Variants in CACNA1F observed in about 807,000 individuals in gnomAD.
CACNA1F encodes the protein voltage-dependent L-type calcium channel subunit alpha-1F.
Under a neutral mutation model 143.8 loss-of-function variants are expected in CACNA1F, and 59 were observed. That is an observed-to-expected ratio of 0.41 (90% CI 0.33 to 0.51). The LOEUF is 0.51. CACNA1F is among the 20% of genes least tolerant of loss of function. The pLI, the probability that CACNA1F is intolerant of heterozygous loss-of-function variation, is 0.22. For missense variants in CACNA1F, 1,411 were observed against 1,647.5 expected (o/e 0.86, Z 2.48); for synonymous variants, 643 against 649.1 (o/e 0.99, Z 0.14).
rs373885224 is a variant in CACNA1F, at chrX:49,209,619, C to T, written c.4821+10G>A. The T allele has an allele frequency of 3.0e-5, 36 of 1,209,632 alleles. No individual in the cohort carries two copies. The highest frequency in any genetic ancestry group is 3.4e-6 in the Non-Finnish European group (3 of 894,751). On this transcript the variant is annotated intron_variant, in intron 41 of 47. Transcript: ENST00000323022. ...ACGTGCCCATCCACACTAGGCCCTGCCCCGAAGACCTGAAGGGCGGAAGAG... is the reference window on the plus strand; with the variant it reads ...ACGTGCCCATCCACACTAGGCCCTGTCCCGAAGACCTGAAGGGCGGAAGAG...
At chrX:49,210,841 T>A in intron 37 of CACNA1F, 124 bp downstream of exon 37, 1 of 893,351 alleles carries the variant, frequency 1.1e-6, no homozygotes, top group Non-Finnish European at 1.6e-6. Flanking sequence ...GATGGGGCAG[T>A]GGAAACTTTG....
chrX:49,226,553 A>T, intron 10 of CACNA1F, 51 bp from the exon 11 acceptor site: 2 of 1,160,573 alleles, frequency 1.7e-6, no homozygotes, highest in Non-Finnish European at 2.3e-6. Context: ...CCGAGGTCCA[A>T]TCTTTGGCTT....
Position 49,224,959 on chromosome X carries a change from A to G in CACNA1F, c.1679T>C (p.Leu560Pro). The G allele has an allele frequency of 8.3e-7, 1 of 1,200,455 alleles. No homozygotes were observed. The highest frequency in any genetic ancestry group is 1.1e-6 in the Non-Finnish European group (1 of 886,612). Residue 560 changes from leucine to proline, a missense_variant, in exon 14 of 48, where the codon CTG becomes CCG. Transcript: ENST00000323022. ...TTTGAGAAGCATCTCCACCGTGAAC[A>G]GACAGAGCAACACTTTGTTGGCATA... is the stretch of plus-strand genomic sequence containing the variant. ...QEYANKVLLC[L>P]FTVEMLLKLY...
chrX:49,208,918 C>T (rs782634979), intron 42 of CACNA1F: 27 of 433,560 alleles, frequency 6.2e-5, no homozygotes, highest in Non-Finnish European at 9.3e-5. Context: ...CTCATCCTCC[C>T]AGGTTCAAGC....
intron 12 of CACNA1F, 68 bp from the exon 13 acceptor site, chrX:49,226,137 G>T: frequency 8.9e-7 from 1 of 1,125,637 alleles, no homozygotes; most frequent in East Asian, 3.0e-5. Context: ...TCAGGTGGGG[G>T]ATCCAAAGGT....
rs140353265 is a variant in CACNA1F at position 49,212,258 on chromosome X, G to A, written c.3993C>T (p.Ala1331=). Residue 1331 remains alanine (A), a synonymous_variant, in exon 34 of 48, where the codon GCC becomes GCT. Transcript: ENST00000323022. ...LLIAMIFFIY[A]VIGMQMFGKV... ...CCCCACTTGCCTGCATGCCAATGAC[G>A]GCATAGATGAAGAATATCATTGCGA... 3.8e-5 allele frequency: 46 copies of A among 1,206,067 alleles called. No individual in the cohort carries two copies. The African/African-American group carries it at 5.8e-4, about 15-fold the overall frequency.
rs782159221 is a variant in CACNA1F at position 49,215,557 on chromosome X, AG to A, written c.3237-15del. The A allele has an allele frequency of 5.1e-5, 42 of 819,728 alleles. No homozygotes were observed. The highest frequency in any genetic ancestry group is 1.5e-4 in the African/African-American group (7 of 46,074). 67.6% of individuals were successfully genotyped at this position (819,728 alleles called of 1,213,427 possible). On this transcript the variant is annotated splice_polypyrimidine_tract_variant and intron_variant, in intron 27 of 47. Coordinates refer to ENST00000323022, the MANE Select transcript of CACNA1F (RefSeq NM_001256789.3). ...TTGTATAGCAGTCTGTGGGAGCCAG[AG>A]GGGGGGTAGAGGTGGGGGCAGGTGA... is the stretch of plus-strand genomic sequence containing the variant.
At position 49,218,692 on chromosome X, in the gene CACNA1F, C is replaced by A; in HGVS notation, c.2777G>T (p.Arg926Leu). The A allele has an allele frequency of 8.4e-7, 1 of 1,188,705 alleles. No homozygotes were observed. Among genetic ancestry groups the A allele is most frequent in the Admixed American group, 2.3e-5 (1 of 42,849 alleles). Residue 926 changes from arginine to leucine, a missense_variant, in exon 23 of 48, where the codon CGT becomes CTT. Physicochemically the swap from Arg to Leu is moderately radical, Grantham distance 102. Transcript: ENST00000323022. ...GAFLHRGSFC[R>L]SWFNMLDLLV... ...CAGATCCAACATATTAAACCAGCTACGGCAGAAGGAGCCGCGGTGCAGGAA... is the reference window on the plus strand; with the variant it reads ...CAGATCCAACATATTAAACCAGCTAAGGCAGAAGGAGCCGCGGTGCAGGAA...
Position 49,219,735 on chromosome X carries a change from C to CTCTTCCTCTTCTTCCTCT in CACNA1F, c.2424_2441dup (p.Glu809_Glu814dup), listed in dbSNP as rs59355923. Reference sequence around the variant, plus strand: ...GCAGGAGTTCCACACCCCCTGCACCCTCTTCCTCTTCTTCCTCTTCTTCCT... The same window carrying CTCTTCCTCTTCTTCCTCT: ...GCAGGAGTTCCACACCCCCTGCACCCTCTTCCTCTTCTTCCTCTTCTTCCTCTTCTTCCTCTTCTTCCT... On this transcript the variant is annotated inframe_insertion, in exon 20 of 48. Coordinates refer to ENST00000323022, the MANE Select transcript of CACNA1F (RefSeq NM_001256789.3). 59 of 1,177,704 alleles carry CTCTTCCTCTTCTTCCTCT rather than the reference C, an allele frequency of 5.0e-5. No individual in the cohort carries two copies. In the South Asian group the frequency reaches 1.0e-3, roughly 21 times the overall value.
At chrX:49,225,072 A>C in intron 13 of CACNA1F, 86 bp from the exon 14 acceptor site, 3 of 614,248 alleles carry the variant, frequency 4.9e-6, no homozygotes, top group South Asian at 4.8e-5. Flanking sequence ...GGGGTGACCC[A>C]CGGTAGCTGG....
At chrX:49,215,321 G>T (rs2065700644) in intron 28 of CACNA1F, 21 bp downstream of exon 28, 1 of 1,200,233 alleles carries the variant, frequency 8.3e-7, no homozygotes, top group South Asian at 1.8e-5. Flanking sequence ...CATCCATAGG[G>T]GGTCAGGGGT....
At position 49,233,282 on chromosome X, in the gene CACNA1F, C is replaced by T; in HGVS notation, c.25+3G>A. The T allele has an allele frequency of 2.5e-6, 3 of 1,210,382 alleles. No individual in the cohort carries two copies. Among genetic ancestry groups the T allele is most frequent in the Middle Eastern group, 2.3e-4 (1 of 4,352 alleles). ...GTCTGCAGGGATGGAAGGATTCTCTCACCTTTCCCGCCTTCAGATTCCGAC... is the reference window on the plus strand; with the variant it reads ...GTCTGCAGGGATGGAAGGATTCTCTTACCTTTCCCGCCTTCAGATTCCGAC... On this transcript the variant is annotated splice_donor_region_variant and intron_variant, in intron 1 of 47. Coordinates refer to ENST00000323022, the MANE Select transcript of CACNA1F (RefSeq NM_001256789.3).
chrX:49,209,659 G>A lies in CACNA1F; in HGVS notation c.4791C>T (p.Asp1597=), dbSNP rs781955957. The A allele has an allele frequency of 5.8e-6, 7 of 1,210,982 alleles. No homozygotes were observed. The highest frequency in any genetic ancestry group is 3.5e-5 in the South Asian group (2 of 56,763). ...RRKEKGLLGN[D]AAPSTSSALQ... ...GGGCGGAAGAGGTGCTAGGGGCGGC[G>A]TCGTTGCCTAGTAGCCCTTTTTCTT... The change falls in exon 41 of 48, where the codon GAC becomes GAT. Residue 1597 remains aspartate (D), a synonymous_variant. Coordinates refer to ENST00000323022, the MANE Select transcript of CACNA1F (RefSeq NM_001256789.3).
chrX:49,229,457 G>A (rs1482860886), intron 6 of CACNA1F, among the ~76,000 whole-genome samples: 1 of 111,600 alleles, frequency 9.0e-6, no homozygotes, highest in Admixed American at 9.4e-5. Context: ...GCGCCCAGCC[G>A]AGGATAAAGT....
chrX:49,217,699 TA>T, intron 26 of CACNA1F, 55 bp downstream of exon 26: 1 of 1,042,345 alleles, frequency 9.6e-7, no homozygotes, highest in Non-Finnish European at 1.3e-6. Context: ...CTAGAGGCTC[TA>T]AAGTCTTTGG....
chrX:49,232,832 T>C (rs60688480), intron 1 of CACNA1F, among the ~76,000 whole-genome samples: 1 of 110,384 alleles, frequency 9.1e-6, no homozygotes, highest in Non-Finnish European at 1.9e-5. Context: ...TTTTTTTTTT[T>C]AAAGGGTCTG....
chrX:49,227,161 G>C (rs782343775), intron 8 of CACNA1F, 34 bp from the exon 9 acceptor site: 4 of 1,092,661 alleles, frequency 3.7e-6, no homozygotes, highest in Non-Finnish European at 3.7e-6. Flanking sequence ...AGGGGGAGGA[G>C]CCAATCTGAA....
At position 49,218,706 on chromosome X, in the gene CACNA1F, G is replaced by A. The variant is rs12836331; in HGVS notation, c.2763C>T (p.Arg921=). The A allele has an allele frequency of 3.5e-5, 41 of 1,182,844 alleles. No homozygotes were observed. Among genetic ancestry groups the A allele is most frequent in the African/African-American group, 2.2e-4 (12 of 55,412 alleles). ...TAAACCAGCTACGGCAGAAGGAGCCGCGGTGCAGGAAGGCCCCAAACACTG... is the reference window on the plus strand; with the variant it reads ...TAAACCAGCTACGGCAGAAGGAGCCACGGTGCAGGAAGGCCCCAAACACTG... ...KMTVFGAFLH[R]GSFCRSWFNM... Residue 921 remains arginine (R), a synonymous_variant, in exon 23 of 48, where the codon CGC becomes CGT. Transcript: ENST00000323022.
At position 49,218,902 on chromosome X, in the gene CACNA1F, T is replaced by C. The variant is rs782407498; in HGVS notation, c.2713A>G (p.Thr905Ala). ...YFDYAFTSIF[T>A]VEILLKMTVF... ...GTCACCTTTAGTAGAATCTCCACAG[T>C]GAAAATGGAGGTGAAGGCATAATCG... Residue 905 changes from threonine to alanine, a missense_variant, in exon 22 of 48, where the codon ACT (threonine) becomes GCT (alanine). Coordinates refer to ENST00000323022, the MANE Select transcript of CACNA1F (RefSeq NM_001256789.3). The C allele has an allele frequency of 8.3e-7, 1 of 1,206,404 alleles. No individual in the cohort carries two copies. Among genetic ancestry groups the C allele is most frequent in the Non-Finnish European group, 1.1e-6 (1 of 892,209 alleles).
Sources: gnomAD v4.1 joint callset for allele counts (sites outside exome capture counted in the v4.1 genomes callset) on GRCh38, gnomAD v4.1.1 for gene constraint, MANE v1.5 for transcripts, NCBI Gene and HGNC (gene_info 2026-07-23, HGNC 2026-07-21) for gene names.